TAS2R1: variants seen among roughly 807,000 people sequenced by gnomAD.
The protein encoded by TAS2R1 is taste receptor type 2 member 1.
For synonymous variants in TAS2R1, 141 were observed against 134.2 expected (o/e 1.05, Z -0.35); for missense variants, 370 against 353.4 (o/e 1.05, Z -0.38).
the TAS2R1 span, among the ~76,000 whole-genome samples, chr5:9,770,597 A>G: frequency 6.6e-6 from 1 of 151,958 alleles, no homozygotes; most frequent in Non-Finnish European, 1.5e-5. Flanking sequence ...TCTTGCATCA[A>G]TTATAGAAAT....
the TAS2R1 span, among the ~76,000 whole-genome samples, chr5:9,798,028 T>C: frequency 3.1e-3 from 478 of 152,196 alleles, 2 homozygotes; most frequent in African/African-American, 0.011. Flanking sequence ...CATGGAAGCA[T>C]GGAACATCCA....
At position 9,704,073 on chromosome 5, in the gene TAS2R1, T is replaced by C. The variant is rs1741548616; in HGVS notation, c.-242+8099A>G. On this transcript the variant is annotated intron_variant, in intron 1 of 2. Coordinates refer to the TAS2R1 transcript ENST00000506620. ...ATTTTTGACTGCACTATGTTGCACT[T>C]AAACAGGAAATATTAATTGGCACTC... Among the ~76,000 whole-genome samples the C allele has an allele frequency of 1.3e-5, 2 of 152,162 alleles. 1 individual carries two copies. The highest frequency in any genetic ancestry group is 1.3e-4 in the Admixed American group (2 of 15,270).
chr5:9,729,275 AGG>A, the TAS2R1 span, among the ~76,000 whole-genome samples: 1 of 152,122 alleles, frequency 6.6e-6, no homozygotes, highest in Admixed American at 6.5e-5. Flanking sequence ...TCTATGGGGG[AGG>A]ACGATGGTCC....
chr5:9,870,487 C>T, the TAS2R1 span, among the ~76,000 whole-genome samples: 13 of 152,176 alleles, frequency 8.5e-5, no homozygotes, highest in African/African-American at 3.1e-4. Context: ...GGTATGTCTC[C>T]TCCCTGTCTA....
chr5:9,747,460 C>T, the TAS2R1 span, among the ~76,000 whole-genome samples: 1 of 152,110 alleles, frequency 6.6e-6, no homozygotes, highest in Non-Finnish European at 1.5e-5. Context: ...GGAGGGGGAA[C>T]TGGCATGCAG....
the TAS2R1 span, among the ~76,000 whole-genome samples, chr5:9,852,916 A>T: frequency 6.6e-6 from 1 of 152,184 alleles, no homozygotes; most frequent in South Asian, 2.1e-4. Context: ...TGAGCATGAC[A>T]CTTCTCCCAG....
the TAS2R1 span, among the ~76,000 whole-genome samples, chr5:9,889,193 G>A: frequency 2.6e-5 from 4 of 152,282 alleles, no homozygotes; most frequent in South Asian, 8.3e-4. Flanking sequence ...GAATGCTCAG[G>A]GTACATTTCT....
intron 1 of TAS2R1, among the ~76,000 whole-genome samples, chr5:9,699,398 G>T (rs531129981): frequency 1.3e-5 from 2 of 152,144 alleles, no homozygotes; most frequent in Admixed American, 6.5e-5. Context: ...TTCGAAGGAC[G>T]ATTTATTCTT....
the TAS2R1 span, among the ~76,000 whole-genome samples, chr5:9,900,061 A>T: frequency 6.6e-6 from 1 of 152,238 alleles, no homozygotes; most frequent in Non-Finnish European, 1.5e-5. Context: ...GTTTAGTTTC[A>T]TAAGGGCAGT....
the TAS2R1 span, among the ~76,000 whole-genome samples, chr5:9,739,504 G>A: frequency 1.3e-5 from 2 of 152,148 alleles, no homozygotes; most frequent in African/African-American, 4.8e-5. Context: ...AGTCACAATT[G>A]CAAGATGCCC....
chr5:9,880,370 C>T, the TAS2R1 span, among the ~76,000 whole-genome samples: 2 of 152,074 alleles, frequency 1.3e-5, no homozygotes. Context: ...AGAATTTGTT[C>T]CTGAGGCTTC....
chr5:9,710,978 A>ATATAT (rs59076917), intron 1 of TAS2R1, among the ~76,000 whole-genome samples: 45,381 of 145,384 alleles, frequency 0.31, 7,271 homozygotes, highest in Admixed American at 0.39. Context: ...ATAATTTATG[A>ATATAT]TATATATTTA....
chr5:9,641,692 G>C (rs562423462), intron 2 of TAS2R1, among the ~76,000 whole-genome samples: 11 of 152,340 alleles, frequency 7.2e-5, no homozygotes, highest in Middle Eastern at 3.4e-3. Context: ...TGTTGGTCAT[G>C]CTCTTGCACT....
At chr5:9,778,854 G>C in the TAS2R1 span, among the ~76,000 whole-genome samples, 2 of 152,192 alleles carry the variant, frequency 1.3e-5, 1 homozygote, top group Admixed American at 1.3e-4. Context: ...CAGCAATAAG[G>C]CCCTTTTGCT....
chr5:9,769,386 C>A, the TAS2R1 span, among the ~76,000 whole-genome samples: 1 of 152,140 alleles, frequency 6.6e-6, no homozygotes. Flanking sequence ...CATGGAAGTG[C>A]AGATATCTCT....
chr5:9,791,401 A>G, the TAS2R1 span, among the ~76,000 whole-genome samples: 1 of 152,198 alleles, frequency 6.6e-6, no homozygotes, highest in Non-Finnish European at 1.5e-5. Flanking sequence ...CAAAGTTTTT[A>G]AAAATGCTGA....
intron 1 of TAS2R1, among the ~76,000 whole-genome samples, chr5:9,674,510 C>T (rs1273999160): frequency 6.6e-6 from 1 of 152,094 alleles, no homozygotes; most frequent in Non-Finnish European, 1.5e-5. Context: ...ATTAAGTAAT[C>T]TTAAATAAGT....
chr5:9,778,911 C>T, the TAS2R1 span, among the ~76,000 whole-genome samples: 1 of 152,224 alleles, frequency 6.6e-6, no homozygotes, highest in Non-Finnish European at 1.5e-5. Flanking sequence ...TAATGTCCTC[C>T]AAGAAATCTT....
the TAS2R1 span, among the ~76,000 whole-genome samples, chr5:9,885,636 T>C: frequency 6.6e-6 from 1 of 152,202 alleles, no homozygotes; most frequent in Non-Finnish European, 1.5e-5. Flanking sequence ...TTTTTATCAA[T>C]AGTTCCATAC....
Sources: gnomAD v4.1 joint callset for allele counts (sites outside exome capture counted in the v4.1 genomes callset) on GRCh38, gnomAD v4.1.1 for gene constraint, MANE v1.5 for transcripts, NCBI Gene and HGNC (gene_info 2026-07-23, HGNC 2026-07-21) for gene names.